NALF1: variants seen among roughly 807,000 people sequenced by gnomAD.
NALF1 encodes NALCN channel auxiliary factor 1.
NALF1 carries 3 observed loss-of-function variants against 48.4 expected under a neutral mutation model. That is an observed-to-expected ratio of 0.06 (90% confidence interval 0.03 to 0.16). NALF1 has a LOEUF of 0.16. Among genes scored for constraint, NALF1 ranks in the 10% least tolerant of loss-of-function variants. The probability of loss-of-function intolerance (pLI) is 1.00; values close to 1 mark genes in which losing one functional copy is unlikely to be tolerated. For missense variants in NALF1, 526 were observed against 571.5 expected, an observed-to-expected ratio of 0.92 and a Z score of 0.81; for synonymous variants, 262 against 245.7, an observed-to-expected ratio of 1.07 and a Z score of -0.62.
chr13:107,491,144 C>A (rs565203555), intron 1 of NALF1, among the ~76,000 whole-genome samples: 1 of 152,258 alleles, frequency 6.6e-6, no homozygotes, highest in East Asian at 1.9e-4. Flanking sequence ...ATTCCTGGCA[C>A]AATGGAACAC....
chr13:107,650,760 T>C (rs1250871965), intron 1 of NALF1, among the ~76,000 whole-genome samples: 2 of 152,174 alleles, frequency 1.3e-5, no homozygotes, highest in East Asian at 1.9e-4. Context: ...AAAGAGATCA[T>C]GTCTTTTGCC....
At position 107,659,093 on chromosome 13, in the gene NALF1, GCACTGACA is replaced by G. The variant is rs796577544; in HGVS notation, c.915+206581_915+206588del. ...TTGGAATACCCCCCTCAACTAGCCAGCACTGACACACTGACACACAGACACACACACAC... is the reference window on the plus strand; with the variant it reads ...TTGGAATACCCCCCTCAACTAGCCAGCACTGACACACAGACACACACACAC... On this transcript the variant is annotated intron_variant, in intron 1 of 2. Transcript: ENST00000375915. Among the ~76,000 whole-genome samples, 930 of 135,492 alleles carry G rather than the reference GCACTGACA, an allele frequency of 6.9e-3. 33 individuals carry two copies. In the East Asian group the frequency reaches 0.11, roughly 15 times the overall value. The allele number at this position is 135,492 out of a possible 152,430, so 88.9% of individuals were successfully genotyped here. A position where few individuals can be genotyped will look rare whatever the true frequency, so the allele number is the denominator to read the frequency against.
At chr13:107,456,414 A>G (rs1193985269) in intron 1 of NALF1, among the ~76,000 whole-genome samples, 1 of 152,222 alleles carries the variant, frequency 6.6e-6, no homozygotes, top group Non-Finnish European at 1.5e-5. Context: ...TTAAGAAGTC[A>G]TTGCTAGGGA....
intron 1 of NALF1, among the ~76,000 whole-genome samples, chr13:107,537,292 T>C (rs1876854724): frequency 6.6e-6 from 1 of 152,128 alleles, no homozygotes; most frequent in Admixed American, 6.6e-5. Context: ...ATTTGGAAAC[T>C]AACTTAAACA....
At chr13:107,171,068 A>T (rs1009201060) in intron 2 of NALF1, among the ~76,000 whole-genome samples, 6 of 152,270 alleles carry the variant, frequency 3.9e-5, no homozygotes, top group Non-Finnish European at 8.8e-5. Flanking sequence ...AGTCAAAATC[A>T]GAACTTGAGG....
At chr13:107,263,591 T>G (rs1594095038) in intron 1 of NALF1, among the ~76,000 whole-genome samples, 1 of 152,102 alleles carries the variant, frequency 6.6e-6, no homozygotes, top group Admixed American at 6.6e-5. Flanking sequence ...TCTCATGAGA[T>G]CTGATGGTTT....
At chr13:107,560,855 A>C (rs1320414507) in intron 1 of NALF1, among the ~76,000 whole-genome samples, 1 of 152,230 alleles carries the variant, frequency 6.6e-6, no homozygotes, top group East Asian at 1.9e-4. Flanking sequence ...TGTGTACAGG[A>C]TAATCTCTTC....
chr13:107,450,290 G>A (rs1013691462), intron 1 of NALF1, among the ~76,000 whole-genome samples: 1 of 152,128 alleles, frequency 6.6e-6, no homozygotes, highest in Non-Finnish European at 1.5e-5. Context: ...TCACCAAGAA[G>A]AATGTGGGAA....
chr13:107,452,528 T>C (rs1408484441), intron 1 of NALF1, among the ~76,000 whole-genome samples: 1 of 152,288 alleles, frequency 6.6e-6, no homozygotes, highest in East Asian at 1.9e-4. Flanking sequence ...ACCATCTTCA[T>C]GATTAAATTA....
At chr13:107,257,969 T>C (rs978903875) in intron 1 of NALF1, among the ~76,000 whole-genome samples, 1 of 152,190 alleles carries the variant, frequency 6.6e-6, no homozygotes, top group Non-Finnish European at 1.5e-5. Flanking sequence ...TAGGCTTCTG[T>C]TGCAATTAAT....
intron 1 of NALF1, among the ~76,000 whole-genome samples, chr13:107,389,609 G>T (rs1303635789): frequency 6.6e-6 from 1 of 152,084 alleles, no homozygotes; most frequent in East Asian, 1.9e-4. Context: ...TACTATGGCA[G>T]CTGTAGCAAA....
chr13:107,450,882 A>T (rs1322863898), intron 1 of NALF1, among the ~76,000 whole-genome samples: 2 of 152,238 alleles, frequency 1.3e-5, no homozygotes, highest in Non-Finnish European at 2.9e-5. Flanking sequence ...ATTGGCTGTG[A>T]AAACCTCAAA....
At chr13:107,237,632 A>G (rs1192277206) in intron 1 of NALF1, among the ~76,000 whole-genome samples, 1 of 152,214 alleles carries the variant, frequency 6.6e-6, no homozygotes, top group Non-Finnish European at 1.5e-5. Context: ...TTGTTTAGGG[A>G]ATAATGACAA....
chr13:107,441,899 T>C (rs1020026140), intron 1 of NALF1, among the ~76,000 whole-genome samples: 2 of 152,138 alleles, frequency 1.3e-5, no homozygotes, highest in African/African-American at 4.8e-5. Flanking sequence ...AATATTCAAC[T>C]GAATAAAACC....
chr13:107,294,313 A>G (rs989608066), intron 1 of NALF1, among the ~76,000 whole-genome samples: 1 of 152,226 alleles, frequency 6.6e-6, no homozygotes, highest in African/African-American at 2.4e-5. Context: ...TATAAGGATT[A>G]GTAGTGTTTT....
intron 1 of NALF1, among the ~76,000 whole-genome samples, chr13:107,804,378 T>C (rs1878710699): frequency 6.6e-6 from 1 of 151,852 alleles, no homozygotes; most frequent in Non-Finnish European, 1.5e-5. Context: ...CCCACTTCCC[T>C]TTCCTTGAGG....
chr13:107,376,394 T>G (rs1262884092), intron 1 of NALF1, among the ~76,000 whole-genome samples: 1 of 152,202 alleles, frequency 6.6e-6, no homozygotes, highest in Admixed American at 6.5e-5. Flanking sequence ...TTTTAGGCAA[T>G]TAGCATGTAT....
intron 1 of NALF1, among the ~76,000 whole-genome samples, chr13:107,341,825 G>A (rs946826011): frequency 6.6e-6 from 1 of 150,872 alleles, no homozygotes; most frequent in East Asian, 1.9e-4. Flanking sequence ...CAGGGTAGTA[G>A]TATTTCATAT....
chr13:107,521,499 C>T (rs553123616), intron 1 of NALF1, among the ~76,000 whole-genome samples: 17 of 152,186 alleles, frequency 1.1e-4, no homozygotes, highest in East Asian at 5.8e-4. Context: ...TCATACAAAA[C>T]GGTATATTAA....
Sources: gnomAD v4.1 joint callset for allele counts (sites outside exome capture counted in the v4.1 genomes callset) on GRCh38, gnomAD v4.1.1 for gene constraint, MANE v1.5 for transcripts, NCBI Gene and HGNC (gene_info 2026-07-23, HGNC 2026-07-21) for gene names.